Variants in HS3ST4 observed in about 807,000 individuals in gnomAD.
HS3ST4 encodes heparan sulfate-glucosamine 3-sulfotransferase 4, also known as heparan sulfate glucosamine 3-O-sulfotransferase 4.
HS3ST4 carries 17 observed loss-of-function variants against 29.2 expected under a neutral mutation model. That is an observed-to-expected ratio of 0.58 (90% CI 0.40 to 0.87). The LOEUF (loss-of-function observed/expected upper bound fraction) is 0.87, where lower values mean the gene tolerates loss of function less well. Ranked by LOEUF, HS3ST4 falls within the 40% of genes least tolerant of loss-of-function variation. The pLI is 0.00. For missense variants in HS3ST4, 627 were observed against 634.5 expected (o/e 0.99, Z 0.13); for synonymous variants, 314 against 285.7 (o/e 1.10, Z -1.00).
intron 1 of HS3ST4, among the ~76,000 whole-genome samples, chr16:25,857,047 G>A (rs1967580093): frequency 1.3e-5 from 2 of 152,198 alleles, no homozygotes; most frequent in Admixed American, 6.5e-5. Flanking sequence ...TGAGTAGTTG[G>A]TGTCAGAATT....
intron 1 of HS3ST4, among the ~76,000 whole-genome samples, chr16:25,734,031 C>T (rs927422424): frequency 7.2e-5 from 11 of 152,164 alleles, no homozygotes; most frequent in Non-Finnish European, 1.0e-4. Context: ...GCAGAAGAAT[C>T]GCTTGAACCC....
At chr16:25,796,894 G>T (rs532891602) in intron 1 of HS3ST4, among the ~76,000 whole-genome samples, 2 of 152,242 alleles carry the variant, frequency 1.3e-5, no homozygotes, top group South Asian at 4.1e-4. Flanking sequence ...CGTTGCGGTC[G>T]CATTGGTAAA....
intron 1 of HS3ST4, among the ~76,000 whole-genome samples, chr16:25,788,446 A>T (rs1966860974): frequency 6.6e-6 from 1 of 150,874 alleles, no homozygotes; most frequent in Admixed American, 6.6e-5. Flanking sequence ...ACAATTCAGT[A>T]AGTCTCTGTG....
At chr16:25,844,209 T>G (rs1227696395) in intron 1 of HS3ST4, among the ~76,000 whole-genome samples, 1 of 152,256 alleles carries the variant, frequency 6.6e-6, no homozygotes, top group Non-Finnish European at 1.5e-5. Context: ...GTATCCATTT[T>G]TTAATGCCTT....
At chr16:25,746,834 A>G (rs1037980351) in intron 1 of HS3ST4, among the ~76,000 whole-genome samples, 1 of 152,048 alleles carries the variant, frequency 6.6e-6, no homozygotes, top group African/African-American at 2.4e-5. Context: ...TACAGGTGTG[A>G]GCCACTGCGC....
chr16:25,935,690 G>C (rs1968510926), intron 1 of HS3ST4, among the ~76,000 whole-genome samples: 1 of 152,116 alleles, frequency 6.6e-6, no homozygotes, highest in Admixed American at 6.6e-5. Flanking sequence ...TTGTCTGGAT[G>C]TGACACAATT....
chr16:25,692,956 G>A lies in HS3ST4; in HGVS notation c.539G>A (p.Ser180Asn). Residue 180 changes from serine to asparagine, a missense_variant, in exon 1 of 2, where the codon AGC (serine) becomes AAC (asparagine). Physicochemically the swap from Ser to Asn is conservative, Grantham distance 46 (BLOSUM62 1). This residue lies in a region of HS3ST4 where 402 missense variants were observed against 340.8 expected (regional missense o/e 1.18). Transcript: ENST00000331351. The part of the protein sequence containing the change: ...DLAGRRAANG[S>N]SERGGAVSTP... ...GCAGGCCGGAGAGCGGCCAACGGGA[G>A]CAGCGAGAGGGGCGGCGCCGTCAGC... is the stretch of plus-strand genomic sequence containing the variant. 1 of 1,610,496 alleles carries A rather than the reference G, an allele frequency of 6.2e-7. No homozygotes were observed. The highest frequency in any genetic ancestry group is 8.5e-7 in the Non-Finnish European group (1 of 1,179,010).
intron 1 of HS3ST4, among the ~76,000 whole-genome samples, chr16:25,736,865 T>G (rs112588590): frequency 1.8e-3 from 278 of 152,102 alleles, no homozygotes; most frequent in African/African-American, 6.2e-3. Context: ...TATTTTTTTT[T>G]GGGGATGGAG....
At chr16:25,799,738 G>A (rs1245882602) in intron 1 of HS3ST4, among the ~76,000 whole-genome samples, 2 of 152,224 alleles carry the variant, frequency 1.3e-5, no homozygotes, top group East Asian at 3.9e-4. Context: ...AGGGCTAAGT[G>A]AATTATTTTT....
At chr16:25,876,003 A>G (rs1967828460) in intron 1 of HS3ST4, among the ~76,000 whole-genome samples, 1 of 152,178 alleles carries the variant, frequency 6.6e-6, no homozygotes, top group African/African-American at 2.4e-5. Flanking sequence ...TTTCTGGAAC[A>G]TAGACTCAGA....
At chr16:25,761,648 A>G (rs370893765) in intron 1 of HS3ST4, among the ~76,000 whole-genome samples, 1 of 152,082 alleles carries the variant, frequency 6.6e-6, no homozygotes. Context: ...CAGTTCTCCA[A>G]TTTCCCCTTC....
At chr16:25,694,329 C>G (rs8044261) in intron 1 of HS3ST4, among the ~76,000 whole-genome samples, 1 of 152,268 alleles carries the variant, frequency 6.6e-6, no homozygotes. Context: ...TGAAGAAATA[C>G]ATAATAAATG....
chr16:26,065,294 T>C (rs780210631), intron 1 of HS3ST4, among the ~76,000 whole-genome samples: 1 of 152,178 alleles, frequency 6.6e-6, no homozygotes, highest in African/African-American at 2.4e-5. Context: ...TATGCAGCCA[T>C]AGAAAAGAAT....
At chr16:26,064,743 C>T (rs1016482394) in intron 1 of HS3ST4, among the ~76,000 whole-genome samples, 5 of 151,666 alleles carry the variant, frequency 3.3e-5, no homozygotes, top group Admixed American at 2.0e-4. Context: ...TCAGCCTCCC[C>T]AGTAGCTGGG....
intron 1 of HS3ST4, among the ~76,000 whole-genome samples, chr16:25,932,908 A>T (rs1274972008): frequency 6.6e-6 from 1 of 152,166 alleles, no homozygotes; most frequent in Non-Finnish European, 1.5e-5. Flanking sequence ...TTTTCTCTAG[A>T]AGTGGGAAGA....
At chr16:26,067,710 C>T (rs1281583680) in intron 1 of HS3ST4, among the ~76,000 whole-genome samples, 1 of 152,172 alleles carries the variant, frequency 6.6e-6, no homozygotes, top group Non-Finnish European at 1.5e-5. Context: ...TGTCCCTACC[C>T]AAATCTGGAA....
At chr16:25,932,411 C>A (rs1424670425) in intron 1 of HS3ST4, among the ~76,000 whole-genome samples, 3 of 152,216 alleles carry the variant, frequency 2.0e-5, no homozygotes, top group African/African-American at 4.8e-5. Flanking sequence ...CAGTTTGCTA[C>A]TTATTACTTC....
At chr16:25,703,695 G>A (rs1966352365) in intron 1 of HS3ST4, among the ~76,000 whole-genome samples, 1 of 152,166 alleles carries the variant, frequency 6.6e-6, no homozygotes, top group African/African-American at 2.4e-5. Context: ...AGTAAACAGT[G>A]GAAGTGGTTT....
chr16:26,110,439 GTCT>G (rs1231659495), intron 1 of HS3ST4, among the ~76,000 whole-genome samples: 1 of 152,104 alleles, frequency 6.6e-6, no homozygotes, highest in Non-Finnish European at 1.5e-5. Flanking sequence ...CCATGCCCAA[GTCT>G]TCTCCTCCCA....
Sources: gnomAD v4.1 joint callset for allele counts (sites outside exome capture counted in the v4.1 genomes callset) on GRCh38, gnomAD v4.1.1 for gene constraint, gnomAD v4.1.1 regional missense constraint, MANE v1.5 for transcripts, NCBI Gene and HGNC (gene_info 2026-07-23, HGNC 2026-07-21) for gene names.